The following HECW2 variants were observed in gnomAD, a reference collection of about 807,000 sequenced individuals.
HECW2 encodes the protein HECT, C2 and WW domain containing E3 ubiquitin protein ligase 2.
A neutral mutation model predicts 175.2 loss-of-function variants in HECW2; 61 were observed. That is an observed-to-expected ratio of 0.35 (90% CI 0.28 to 0.43). The LOEUF (loss-of-function observed/expected upper bound fraction) is 0.43. Among genes scored for constraint, HECW2 ranks in the 20% least tolerant of loss-of-function variants. HECW2 has a pLI of 1.00. For synonymous variants in HECW2, 671 were observed against 731.0 expected (o/e 0.92, Z 1.32); for missense variants, 1,524 against 2,000.5 (o/e 0.76, Z 4.54).
rs1687923448 is a variant in HECW2 at position 196,228,258 on chromosome 2, T to C, written c.3765-4A>G. 1 of 1,584,680 alleles carries C rather than the reference T, an allele frequency of 6.3e-7. No individual in the cohort carries two copies. Among genetic ancestry groups the C allele is most frequent in the Non-Finnish European group, 8.5e-7 (1 of 1,171,824 alleles). ...AGAAGGCCCACTGTAATCCAGCCTG[T>C]AACAAAAATCCACAAAAAGAATAAT... On this transcript the variant is annotated splice_polypyrimidine_tract_variant and splice_region_variant and intron_variant, in intron 21 of 28. Coordinates refer to ENST00000644978, the MANE Select transcript of HECW2 (RefSeq NM_001348768.2).
chr2:196,518,261 A>C (rs556940960), intron 1 of HECW2, among the ~76,000 whole-genome samples: 11 of 152,218 alleles, frequency 7.2e-5, no homozygotes, highest in Non-Finnish European at 1.5e-4. Context: ...AAGACATCTG[A>C]GTCTGATGTT....
At chr2:196,207,270 G>A (rs2105775514) in intron 28 of HECW2, among the ~76,000 whole-genome samples, 1 of 152,296 alleles carries the variant, frequency 6.6e-6, no homozygotes, top group Non-Finnish European at 1.5e-5. Flanking sequence ...GAATTCAAGG[G>A]CGTGAAATCA....
chr2:196,445,453 T>G (rs550373401), intron 1 of HECW2, among the ~76,000 whole-genome samples: 5 of 152,310 alleles, frequency 3.3e-5, no homozygotes, highest in African/African-American at 9.6e-5. Context: ...CAGGGGTACA[T>G]GTGCAGGCTT....
At chr2:196,350,082 CT>C (rs1693116005) in intron 2 of HECW2, among the ~76,000 whole-genome samples, 1 of 152,132 alleles carries the variant, frequency 6.6e-6, no homozygotes, top group South Asian at 2.1e-4. Context: ...TAAAATGCTA[CT>C]TCCTGCATGG....
chr2:196,239,218 T>C (rs1246496270), intron 21 of HECW2: 1 of 152,216 alleles, frequency 6.6e-6, no homozygotes, highest in Non-Finnish European at 1.5e-5. Flanking sequence ...TGTTTGCACA[T>C]ACTACTTTAC....
chr2:196,243,113 C>G (rs1575281475), intron 19 of HECW2, among the ~76,000 whole-genome samples: 1 of 151,970 alleles, frequency 6.6e-6, no homozygotes. Flanking sequence ...GCACCTGTCT[C>G]ACTTGCACAA....
chr2:196,244,676 A>C (rs1353407028), intron 19 of HECW2, among the ~76,000 whole-genome samples: 2 of 152,236 alleles, frequency 1.3e-5, no homozygotes, highest in African/African-American at 4.8e-5. Context: ...GAGGAAGCTT[A>C]ATTGGAACCA....
intron 1 of HECW2, among the ~76,000 whole-genome samples, chr2:196,463,252 G>A (rs73989933): frequency 0.042 from 6,360 of 152,046 alleles, 433 homozygotes; most frequent in African/African-American, 0.14. Context: ...GTAACTGTTA[G>A]CATGGGTTAC....
At position 196,432,578 on chromosome 2, in the gene HECW2, C is replaced by A. The variant is rs541787894; in HGVS notation, c.292+554G>T. On this transcript the variant is annotated intron_variant, in intron 2 of 28. Coordinates refer to ENST00000644978, the MANE Select transcript of HECW2 (RefSeq NM_001348768.2). ...GAACTGTTTTTATTAAAGCAAATAG[C>A]AATTATTTATAAGTCATTTGTCAGG... Among the ~76,000 whole-genome samples the A allele has an allele frequency of 3.3e-5, 5 of 152,228 alleles. No homozygotes were observed. The South Asian group carries it at 1.0e-3, about 32-fold the overall frequency.
At chr2:196,296,112 G>A (rs1343276134) in intron 13 of HECW2, among the ~76,000 whole-genome samples, 2 of 151,796 alleles carry the variant, frequency 1.3e-5, no homozygotes, top group Non-Finnish European at 2.9e-5. Flanking sequence ...ATATGTTTAT[G>A]CAAAAACTGT....
chr2:196,366,567 T>C (rs1693750618), intron 2 of HECW2, among the ~76,000 whole-genome samples: 1 of 152,212 alleles, frequency 6.6e-6, no homozygotes, highest in African/African-American at 2.4e-5. Context: ...CTTCACCTAC[T>C]TCCACCACAG....
At chr2:196,574,651 GGCA>G (rs896470867) in intron 1 of HECW2, among the ~76,000 whole-genome samples, 62 of 152,072 alleles carry the variant, frequency 4.1e-4, no homozygotes, top group African/African-American at 1.3e-3. Flanking sequence ...AAATTCCAAT[GGCA>G]TCCTTTACAG....
chr2:196,497,344 G>A (rs1469636506), intron 1 of HECW2, among the ~76,000 whole-genome samples: 2 of 152,122 alleles, frequency 1.3e-5, no homozygotes, highest in South Asian at 2.1e-4. Flanking sequence ...AAACTCTATA[G>A]CTTCCTAGTA....
intron 2 of HECW2, among the ~76,000 whole-genome samples, chr2:196,432,453 A>G (rs1273199498): frequency 6.6e-6 from 1 of 152,228 alleles, no homozygotes; most frequent in Non-Finnish European, 1.5e-5. Context: ...TTGCTTTCCA[A>G]TGTGGCAGAC....
In HECW2 at chr2:196,293,550, T is replaced by C. The variant is rs1448566511; in HGVS notation, c.2815-800A>G. On this transcript the variant is annotated intron_variant, in intron 13 of 28. Transcript: ENST00000644978. ...GGATTGCTGGGTCAAATGGTATTTC[T>C]GGTTCTAGATCTTTGAGGAATCTCC... Among the ~76,000 whole-genome samples the C allele has an allele frequency of 2.0e-5, 3 of 152,224 alleles. No homozygotes were observed. The East Asian group carries it at 5.8e-4, about 29-fold the overall frequency.
chr2:196,306,569 G>C lies in HECW2; in HGVS notation c.2733C>G (p.Ser911=), dbSNP rs1397849072. The change falls in exon 13 of 29, where the codon TCC becomes TCG. Residue 911 remains serine, a synonymous_variant. Transcript: ENST00000644978. ...ENILPHSTSR[S]RITLLLQSPP... is the part of the protein sequence containing the mutation. ...GAGACTGTAACAGCAACGTGATCCT[G>C]GATCTGGAGGTAGAGTGAGGCAGGA... is the stretch of plus-strand genomic sequence containing the variant. 3 of 1,613,002 alleles carry C rather than the reference G, an allele frequency of 1.9e-6. No homozygotes were observed. Among genetic ancestry groups the C allele is most frequent in the Non-Finnish European group, 2.5e-6 (3 of 1,179,516 alleles).
chr2:196,353,822 A>G (rs1431414218), intron 2 of HECW2, among the ~76,000 whole-genome samples: 1 of 152,180 alleles, frequency 6.6e-6, no homozygotes, highest in Admixed American at 6.5e-5. Context: ...CTGTGCCTAT[A>G]AAAACCTCAG....
At chr2:196,474,231 T>C (rs929675111) in intron 1 of HECW2, among the ~76,000 whole-genome samples, 6 of 152,362 alleles carry the variant, frequency 3.9e-5, no homozygotes, top group East Asian at 1.9e-4. Flanking sequence ...ATTATAAATA[T>C]GCTTTTGGTG....
intron 1 of HECW2, among the ~76,000 whole-genome samples, chr2:196,545,587 G>T (rs532174853): frequency 2.0e-5 from 3 of 152,102 alleles, no homozygotes; most frequent in Non-Finnish European, 4.4e-5. Context: ...GGCACGCCAG[G>T]GATCATCCTT....
Sources: allele counts gnomAD v4.1 joint callset (sites outside exome capture counted in the v4.1 genomes callset), GRCh38; gene constraint gnomAD v4.1.1; transcripts MANE v1.5; gene names NCBI Gene and HGNC (gene_info 2026-07-23, HGNC 2026-07-21).